Variants in PTCHD4 observed in about 807,000 individuals in gnomAD.
PTCHD4 encodes patched domain containing 4.
Under a neutral mutation model 58.1 loss-of-function variants are expected in PTCHD4, and 33 were observed. The observed-to-expected ratio is 0.57, with a 90% CI of 0.43 to 0.76. The LOEUF (loss-of-function observed/expected upper bound fraction) is 0.76. Among genes scored for constraint, PTCHD4 ranks in the 30% least tolerant of loss-of-function variants. The probability of loss-of-function intolerance (pLI) is 0.00; values close to 1 mark genes in which losing one functional copy is unlikely to be tolerated. For missense variants in PTCHD4, 1,058 were observed against 1,027.1 expected (o/e 1.03, Z -0.41); for synonymous variants, 478 against 409.6 (o/e 1.17, Z -2.02).
rs138252429 is a variant in PTCHD4, at chr6:47,981,647, T to A, written c.898+26987A>T. Among the ~76,000 whole-genome samples, 718 of 152,350 alleles carry A rather than the reference T, an allele frequency of 4.7e-3. 3 individuals are homozygous for A. The highest frequency in any genetic ancestry group is 0.016 in the African/African-American group (647 of 41,586). ...CTCTCTTTACTAAATAGAGGCAATG[T>A]TATCTGGGGTAGCTGTTTGCTGAAC... On this transcript the variant is annotated intron_variant, in intron 4 of 4. Coordinates refer to ENST00000339488, the MANE Select transcript of PTCHD4 (RefSeq NM_001384253.1).
intron 4 of PTCHD4, among the ~76,000 whole-genome samples, chr6:48,004,921 GAA>G (rs544524658): frequency 6.7e-6 from 1 of 149,106 alleles, no homozygotes; most frequent in African/African-American, 2.5e-5. Flanking sequence ...CATCTCAAAA[GAA>G]AAAAAAAATT....
rs1765614604 is a variant in PTCHD4 at position 48,102,038 on chromosome 6, T to A, written c.-970+9011A>T. On this transcript the variant is annotated intron_variant, in intron 1 of 4. Coordinates refer to ENST00000339488, the MANE Select transcript of PTCHD4 (RefSeq NM_001384253.1). ...CACAAAACCACTACAGCCTGCTGCATGTTCATTTCTTAGTCTAGACTCAGA... is the reference window on the plus strand; with the variant it reads ...CACAAAACCACTACAGCCTGCTGCAAGTTCATTTCTTAGTCTAGACTCAGA... 3.3e-5 allele frequency among the ~76,000 whole-genome samples: 5 copies of A among 152,212 alleles called. No homozygotes were observed. The South Asian group carries it at 1.0e-3, about 32-fold the overall frequency.
At chr6:48,095,255 A>G (rs1043991134) in intron 1 of PTCHD4, among the ~76,000 whole-genome samples, 4 of 152,226 alleles carry the variant, frequency 2.6e-5, no homozygotes, top group South Asian at 2.1e-4. Context: ...ATGAAAATCC[A>G]TTTACACTAA....
intron 4 of PTCHD4, among the ~76,000 whole-genome samples, chr6:47,934,154 A>G (rs1765921766): frequency 6.6e-6 from 1 of 152,090 alleles, no homozygotes. Context: ...TTGCCCACTG[A>G]TGGGGAGCCT....
At chr6:48,062,312 A>G (rs973088442) in intron 3 of PTCHD4, among the ~76,000 whole-genome samples, 50 of 152,262 alleles carry the variant, frequency 3.3e-4, no homozygotes, top group African/African-American at 1.2e-3. Flanking sequence ...ATACACTTCC[A>G]TCATGATGTG....
At position 47,879,600 on chromosome 6, in the gene PTCHD4, A is replaced by G; in HGVS notation, c.1235T>C (p.Leu412Pro). The stretch of plus-strand genomic sequence containing the variant: ...CTGGAACCACACAGGTTTGCGATCC[A>G]GGTATTCTGCAGAAGGGATCTTACA... ...FCCKIPSAEYLDRKPVWFQTV... is the reference protein window; with the variant it reads ...FCCKIPSAEYPDRKPVWFQTV... The change falls in exon 5 of 5, where the codon CTG becomes CCG. Residue 412 changes from leucine to proline, a missense_variant. By Grantham distance (98) the Leu-to-Pro change is moderately conservative. Coordinates refer to ENST00000339488, the MANE Select transcript of PTCHD4 (RefSeq NM_001384253.1). The G allele has an allele frequency of 6.2e-7, 1 of 1,613,744 alleles. No homozygotes were observed.
intron 4 of PTCHD4, among the ~76,000 whole-genome samples, chr6:48,004,932 T>G (rs910364029): frequency 6.6e-6 from 1 of 151,942 alleles, no homozygotes; most frequent in African/African-American, 2.4e-5. Flanking sequence ...AAAAAAAAAA[T>G]TATTAGAATT....
Position 47,866,285 on chromosome 6 carries a change from T to C in PTCHD4, c.*12018A>G, listed in dbSNP as rs1763560739. Among the ~76,000 whole-genome samples, 1 of 151,874 alleles carries C rather than the reference T, an allele frequency of 6.6e-6. No individual in the cohort carries two copies. Among genetic ancestry groups the C allele is most frequent in the Non-Finnish European group, 1.5e-5 (1 of 67,856 alleles). ...ACTGTTTTTCAAATTGAGCCACACA[T>C]TGAAATCACTATGGGAACTCCCAGA... On this transcript the variant is annotated 3_prime_UTR_variant, in exon 5 of 5. Coordinates refer to ENST00000339488, the MANE Select transcript of PTCHD4 (RefSeq NM_001384253.1).
In PTCHD4 at chr6:47,868,984, T is replaced by G. The variant is rs1252303026; in HGVS notation, c.*9319A>C. 6.6e-6 allele frequency among the ~76,000 whole-genome samples: 1 copy of G among 151,730 alleles called. No homozygotes were observed. Among genetic ancestry groups the G allele is most frequent in the Admixed American group, 6.6e-5 (1 of 15,208 alleles). Reference sequence around the variant, plus strand: ...CAAACTATATAAAATGAAATATTACTAAGACTTCTTTGGTCTCCTCATCAT... The same window carrying G: ...CAAACTATATAAAATGAAATATTACGAAGACTTCTTTGGTCTCCTCATCAT... On this transcript the variant is annotated 3_prime_UTR_variant, in exon 5 of 5. Transcript: ENST00000339488.
intron 4 of PTCHD4, chr6:47,890,873 C>G: frequency 1.0e-6 from 1 of 984,204 alleles, no homozygotes; most frequent in Non-Finnish European, 1.2e-6. Flanking sequence ...AGGAAGTTTT[C>G]AATTTTTTTC....
At chr6:48,076,576 A>G (rs1386384693) in intron 1 of PTCHD4, among the ~76,000 whole-genome samples, 1 of 152,246 alleles carries the variant, frequency 6.6e-6, no homozygotes, top group Non-Finnish European at 1.5e-5. Context: ...TGGATGATGT[A>G]TTAGCAGGCA....
intron 4 of PTCHD4, among the ~76,000 whole-genome samples, chr6:47,917,841 T>G (rs1366928671): frequency 6.6e-6 from 1 of 152,110 alleles, no homozygotes; most frequent in Non-Finnish European, 1.5e-5. Flanking sequence ...AGTAGCAAGA[T>G]GATGAATAAT....
chr6:47,931,219 A>G (rs543327028), intron 4 of PTCHD4, among the ~76,000 whole-genome samples: 10 of 152,366 alleles, frequency 6.6e-5, no homozygotes, highest in African/African-American at 2.4e-4. Flanking sequence ...CACCACGAAC[A>G]GGAGGGGGCT....
chr6:48,097,946 G>T (rs1765508592), intron 1 of PTCHD4, among the ~76,000 whole-genome samples: 1 of 152,146 alleles, frequency 6.6e-6, no homozygotes, highest in Non-Finnish European at 1.5e-5. Context: ...AGAAAGAGAA[G>T]GTAGTAGAAA....
chr6:47,939,364 G>A (rs745805750), intron 4 of PTCHD4, among the ~76,000 whole-genome samples: 42 of 151,394 alleles, frequency 2.8e-4, no homozygotes, highest in Non-Finnish European at 4.7e-4. Flanking sequence ...TGGAAAACAT[G>A]GCCTACAGGT....
At chr6:48,101,217 A>T (rs1562049903) in intron 1 of PTCHD4, among the ~76,000 whole-genome samples, 1 of 152,160 alleles carries the variant, frequency 6.6e-6, no homozygotes, top group South Asian at 2.1e-4. Flanking sequence ...AATTTATTTT[A>T]AAAATGGCTG....
At position 47,925,153 on chromosome 6, in the gene PTCHD4, T is replaced by C. The variant is rs566351687; in HGVS notation, c.899-45217A>G. Among the ~76,000 whole-genome samples the C allele has an allele frequency of 2.0e-5, 3 of 149,818 alleles. No homozygotes were observed. The East Asian group carries it at 5.8e-4, about 29-fold the overall frequency. The stretch of plus-strand genomic sequence containing the variant: ...TGTATATGCTTTTAATATATATGTA[T>C]ATGTGTTTATATGTGTATATTATAT... On this transcript the variant is annotated intron_variant, in intron 4 of 4. Transcript: ENST00000339488.
Position 47,864,996 on chromosome 6 carries a change from G to A in PTCHD4, c.*13307C>T, listed in dbSNP as rs577337265. On this transcript the variant is annotated 3_prime_UTR_variant, in exon 5 of 5. Transcript: ENST00000339488. The stretch of plus-strand genomic sequence containing the variant: ...ATGACTGCAGAGCAGATCTCTGATT[G>A]TGGGAGGAACAGTGATCTTGTTTCT... Among the ~76,000 whole-genome samples, 8 of 152,010 alleles carry A rather than the reference G, an allele frequency of 5.3e-5. No individual in the cohort carries two copies. The highest frequency in any genetic ancestry group is 1.7e-4 in the African/African-American group (7 of 41,524).
At chr6:48,101,523 A>T (rs1184034311) in intron 1 of PTCHD4, among the ~76,000 whole-genome samples, 1 of 152,228 alleles carries the variant, frequency 6.6e-6, no homozygotes, top group Non-Finnish European at 1.5e-5. Flanking sequence ...CATGGGATGT[A>T]GTCATAAAGT....
Sources: gnomAD v4.1 joint callset for allele counts (sites outside exome capture counted in the v4.1 genomes callset) on GRCh38, gnomAD v4.1.1 for gene constraint, MANE v1.5 for transcripts, NCBI Gene and HGNC (gene_info 2026-07-23, HGNC 2026-07-21) for gene names.